LNPK: variants seen among roughly 807,000 people sequenced by gnomAD.
LNPK encodes the protein endoplasmic reticulum junction formation protein lunapark.
A neutral mutation model predicts 55.2 loss-of-function variants in LNPK; 29 were observed. The observed-to-expected ratio is 0.53, with a 90% CI of 0.39 to 0.72. LNPK has a LOEUF of 0.72. Among genes scored for constraint, LNPK ranks in the 30% least tolerant of loss-of-function variants. LNPK has a pLI of 0.00. For synonymous variants in LNPK, 162 were observed against 168.2 expected (o/e 0.96, Z 0.29); for missense variants, 467 against 494.8 (o/e 0.94, Z 0.53).
At chr2:175,998,572 C>T (rs973414846) in intron 1 of LNPK, among the ~76,000 whole-genome samples, 2 of 151,832 alleles carry the variant, frequency 1.3e-5, no homozygotes, top group African/African-American at 4.8e-5. Flanking sequence ...ATAAAGTCTG[C>T]TTTGTATAGA....
chr2:175,974,888 C>CA (rs528705468), intron 5 of LNPK, among the ~76,000 whole-genome samples: 90 of 146,270 alleles, frequency 6.2e-4, no homozygotes, highest in South Asian at 4.7e-3. Flanking sequence ...TATTTTAAAG[C>CA]AAAAAAAAAA....
rs1462390211 is a variant in LNPK, at chr2:175,928,593, A to AC, written c.*1373_*1374insG. On this transcript the variant is annotated 3_prime_UTR_variant, in exon 13 of 13. Coordinates refer to ENST00000272748, the MANE Select transcript of LNPK (RefSeq NM_030650.3). The stretch of plus-strand genomic sequence containing the variant: ...TTTAAATGATAAAAATGTTTTGTTC[A>AC]GTTGTTAATAAACTGTGTGCAACTT... 5 of 151,818 alleles carry AC rather than the reference A, an allele frequency of 3.3e-5. No individual in the cohort carries two copies. Among genetic ancestry groups the AC allele is most frequent in the Non-Finnish European group, 7.4e-5 (5 of 67,976 alleles). The allele number at this position is 151,818 out of a possible 1,614,324, so 9.4% of individuals were successfully genotyped here.
Position 175,929,926 on chromosome 2 carries a change from A to G in LNPK, c.*41T>C, listed in dbSNP as rs1324887943. ...CGAAAAAGCAATAACTGACATCAGT[A>G]AGACTATAAATATCCAGTTGAAGGC... On this transcript the variant is annotated 3_prime_UTR_variant, in exon 13 of 13. Transcript: ENST00000272748. 1 of 1,609,486 alleles carries G rather than the reference A, an allele frequency of 6.2e-7. No individual in the cohort carries two copies. The highest frequency in any genetic ancestry group is 1.7e-5 in the Admixed American group (1 of 59,634).
chr2:176,000,322 A>C (rs1688112883), intron 1 of LNPK, among the ~76,000 whole-genome samples: 1 of 152,096 alleles, frequency 6.6e-6, no homozygotes, highest in Non-Finnish European at 1.5e-5. Context: ...GCATTTGCAA[A>C]ATGGTAAAAA....
At position 175,929,470 on chromosome 2, in the gene LNPK, C is replaced by T. The variant is rs960189692; in HGVS notation, c.*497G>A. 1.5e-5 allele frequency: 15 copies of T among 987,636 alleles called. No individual in the cohort carries two copies. The East Asian group carries it at 7.9e-4, about 52-fold the overall frequency. The allele number at this position is 987,636 out of a possible 1,614,324, so 61.2% of individuals were successfully genotyped here. A position where few individuals can be genotyped will look rare whatever the true frequency, so the allele number is the denominator to read the frequency against. Reference sequence around the variant, plus strand: ...GCCTATGTGGTAACAACTTTCATACCGCTTAATGTAAACACCTAAATAGAC... The same window carrying T: ...GCCTATGTGGTAACAACTTTCATACTGCTTAATGTAAACACCTAAATAGAC... On this transcript the variant is annotated 3_prime_UTR_variant, in exon 13 of 13. Coordinates refer to ENST00000272748, the MANE Select transcript of LNPK (RefSeq NM_030650.3).
At chr2:175,979,007 TAGTC>T (rs1268289635) in intron 5 of LNPK, among the ~76,000 whole-genome samples, 2 of 152,144 alleles carry the variant, frequency 1.3e-5, no homozygotes, top group African/African-American at 2.4e-5. Context: ...TTTGGATCCT[TAGTC>T]AAACAAATAA....
intron 9 of LNPK, among the ~76,000 whole-genome samples, chr2:175,943,298 A>G (rs551942523): frequency 6.6e-6 from 1 of 151,842 alleles, no homozygotes; most frequent in South Asian, 2.1e-4. Context: ...TATCTTTAAA[A>G]TTAAGGAAAC....
rs1043134890 is a variant in LNPK, at chr2:175,970,862, C to A, written c.317-58G>T. 19 of 1,320,256 alleles carry A rather than the reference C, an allele frequency of 1.4e-5. No homozygotes were observed. The Admixed American group carries it at 2.5e-4, about 17-fold the overall frequency. The allele number at this position is 1,320,256 out of a possible 1,614,324, so 81.8% of individuals were successfully genotyped here. On this transcript the variant is annotated intron_variant, in intron 5 of 12. Transcript: ENST00000272748. ...TATTTAGATATAAGAAAAAATCACG[C>A]CAAATGACACACGGTAGCAAACACA...
intron 9 of LNPK, among the ~76,000 whole-genome samples, chr2:175,943,847 G>T (rs1408143171): frequency 6.6e-6 from 1 of 151,974 alleles, no homozygotes; most frequent in East Asian, 1.9e-4. Flanking sequence ...AAGAATAATT[G>T]CTTTTCCCCT....
chr2:175,977,794 G>C (rs759430462), intron 5 of LNPK, among the ~76,000 whole-genome samples: 4 of 152,158 alleles, frequency 2.6e-5, no homozygotes, highest in Non-Finnish European at 4.4e-5. Flanking sequence ...TTTTGAACAA[G>C]AAAGAGAAAT....
At chr2:175,951,607 A>ATATATATATATCTATATATATATATATC (rs972901665) in intron 8 of LNPK, among the ~76,000 whole-genome samples, 1 of 121,722 alleles carries the variant, frequency 8.2e-6, no homozygotes, top group Non-Finnish European at 1.9e-5. Flanking sequence ...ATATATATAT[A>ATATATATATATCTATATATATATATATC]TATCTCAGTT....
At chr2:175,995,916 G>C (rs137998376) in intron 1 of LNPK, among the ~76,000 whole-genome samples, 2 of 140,978 alleles carry the variant, frequency 1.4e-5, no homozygotes, top group African/African-American at 2.6e-5. Context: ...CGGGTTAAGC[G>C]ATTCTTGTGG....
At chr2:175,945,166 C>T (rs1269450979) in intron 9 of LNPK, among the ~76,000 whole-genome samples, 5 of 150,424 alleles carry the variant, frequency 3.3e-5, no homozygotes, top group African/African-American at 9.7e-5. Context: ...CCCAAAGTGC[C>T]GGGATTACAG....
At chr2:175,964,077 A>G (rs1231092049) in intron 8 of LNPK, among the ~76,000 whole-genome samples, 1 of 152,224 alleles carries the variant, frequency 6.6e-6, no homozygotes, top group Non-Finnish European at 1.5e-5. Flanking sequence ...CTATTATTTG[A>G]AAGTGGGAAA....
At chr2:175,999,383 C>T (rs1446192640) in intron 1 of LNPK, among the ~76,000 whole-genome samples, 1 of 152,156 alleles carries the variant, frequency 6.6e-6, no homozygotes, top group Non-Finnish European at 1.5e-5. Context: ...ATTTCCTCAT[C>T]TGTAAAAGAG....
At chr2:175,963,312 C>T (rs1158499462) in intron 8 of LNPK, among the ~76,000 whole-genome samples, 1 of 152,116 alleles carries the variant, frequency 6.6e-6, no homozygotes, top group Non-Finnish European at 1.5e-5. Context: ...ACCCAAATGC[C>T]CAACAATGAT....
At chr2:175,952,455 T>C (rs1003670091) in intron 8 of LNPK, among the ~76,000 whole-genome samples, 5 of 152,044 alleles carry the variant, frequency 3.3e-5, no homozygotes, top group African/African-American at 4.8e-5. Flanking sequence ...TTTTAACTTA[T>C]TTGAATGTAA....
intron 8 of LNPK, among the ~76,000 whole-genome samples, chr2:175,955,272 T>C (rs1205925151): frequency 6.6e-6 from 1 of 152,070 alleles, no homozygotes; most frequent in African/African-American, 2.4e-5. Context: ...TCTCCTATGC[T>C]CCCTGGTCTT....
At chr2:175,992,619 T>A (rs1166927376) in intron 3 of LNPK, among the ~76,000 whole-genome samples, 1 of 152,140 alleles carries the variant, frequency 6.6e-6, no homozygotes, top group Non-Finnish European at 1.5e-5. Flanking sequence ...TAATGCTTAT[T>A]CTAACATCAT....
Sources: gnomAD v4.1 joint callset for allele counts (sites outside exome capture counted in the v4.1 genomes callset) on GRCh38, gnomAD v4.1.1 for gene constraint, MANE v1.5 for transcripts, NCBI Gene and HGNC (gene_info 2026-07-23, HGNC 2026-07-21) for gene names.